The following DAB1 variants were observed in gnomAD, a reference collection of about 807,000 sequenced individuals.
DAB1 encodes the protein DAB adaptor protein 1, also known as disabled homolog 1.
DAB1 carries 15 observed loss-of-function variants against 64.6 expected under a neutral mutation model. That is an observed-to-expected ratio of 0.23 (90% confidence interval 0.16 to 0.36). The LOEUF (loss-of-function observed/expected upper bound fraction) is 0.36. Among genes scored for constraint, DAB1 ranks in the 10% least tolerant of loss-of-function variants. The pLI, the probability that DAB1 is intolerant of heterozygous loss-of-function variation, is 1.00. For synonymous variants in DAB1, 235 were observed against 251.9 expected (o/e 0.93, Z 0.64); for missense variants, 596 against 706.7 (o/e 0.84, Z 1.78).
intron 1 of DAB1, among the ~76,000 whole-genome samples, chr1:57,380,726 G>A (rs939436617): frequency 1.6e-4 from 24 of 152,198 alleles, no homozygotes; most frequent in East Asian, 5.8e-4. Context: ...TAACTAAGAC[G>A]TGGGTTTGTC....
chr1:57,673,235 A>G (rs919245158), intron 6 of DAB1, among the ~76,000 whole-genome samples: 4 of 152,118 alleles, frequency 2.6e-5, no homozygotes, highest in Non-Finnish European at 4.4e-5. Flanking sequence ...TAAAGGTACT[A>G]ATCATAATCA....
chr1:57,872,660 G>A (rs541859667), intron 1 of DAB1, among the ~76,000 whole-genome samples: 1 of 152,224 alleles, frequency 6.6e-6, no homozygotes, highest in South Asian at 2.1e-4. Context: ...CGGACAGCTG[G>A]CCTTGGGTTT....
At chr1:58,260,148 C>G (rs2100416361) in intron 4 of DAB1, among the ~76,000 whole-genome samples, 1 of 152,254 alleles carries the variant, frequency 6.6e-6, no homozygotes, top group African/African-American at 2.4e-5. Flanking sequence ...ACCCAGAAAA[C>G]TATGAGATTA....
At chr1:57,150,396 G>A (rs1659544778) in intron 2 of DAB1, among the ~76,000 whole-genome samples, 1 of 152,208 alleles carries the variant, frequency 6.6e-6, no homozygotes, top group African/African-American at 2.4e-5. Flanking sequence ...TTAAGAGACT[G>A]TGTGGTTACC....
At chr1:58,027,332 G>T (rs913311173) in intron 5 of DAB1, among the ~76,000 whole-genome samples, 10 of 152,272 alleles carry the variant, frequency 6.6e-5, no homozygotes, top group African/African-American at 2.2e-4. Context: ...CTCCCAAAGT[G>T]CTGGGATTAC....
At chr1:57,585,635 C>A (rs1462038461) in intron 7 of DAB1, among the ~76,000 whole-genome samples, 1 of 152,100 alleles carries the variant, frequency 6.6e-6, no homozygotes, top group Admixed American at 6.6e-5. Context: ...TCTTTCTACC[C>A]CCTTAGGCAT....
chr1:58,023,934 A>G (rs1646850407), intron 5 of DAB1, among the ~76,000 whole-genome samples: 1 of 152,168 alleles, frequency 6.6e-6, no homozygotes, highest in South Asian at 2.1e-4. Context: ...AAGCCCTATC[A>G]TGTAATGTAG....
chr1:58,126,617 C>G (rs1232911045), intron 5 of DAB1, among the ~76,000 whole-genome samples: 1 of 148,390 alleles, frequency 6.7e-6, no homozygotes, highest in African/African-American at 2.5e-5. Flanking sequence ...CTACCCCCCA[C>G]CCCACAACAG....
intron 7 of DAB1, among the ~76,000 whole-genome samples, chr1:57,552,952 G>T (rs1382718624): frequency 6.6e-6 from 1 of 152,094 alleles, no homozygotes; most frequent in East Asian, 1.9e-4. Flanking sequence ...ATATTAAGGG[G>T]CCGATTGTAT....
At chr1:57,518,102 C>T (rs796232738) in intron 7 of DAB1, among the ~76,000 whole-genome samples, 4 of 152,202 alleles carry the variant, frequency 2.6e-5, no homozygotes, top group African/African-American at 9.7e-5. Context: ...CCAAACAGAA[C>T]TAGATTGCTT....
intron 3 of DAB1, among the ~76,000 whole-genome samples, chr1:58,427,630 G>T (rs899070185): frequency 6.6e-6 from 1 of 152,172 alleles, no homozygotes; most frequent in African/African-American, 2.4e-5. Flanking sequence ...GCCAAGGATA[G>T]TTCCAAGATT....
intron 4 of DAB1, among the ~76,000 whole-genome samples, chr1:57,116,418 C>T (rs964609641): frequency 9.5e-5 from 12 of 125,660 alleles, no homozygotes; most frequent in African/African-American, 2.2e-4. Flanking sequence ...GCTGAGATCA[C>T]GCCATTGCAC....
At chr1:57,271,092 C>T (rs1670960265) in intron 2 of DAB1, among the ~76,000 whole-genome samples, 1 of 152,156 alleles carries the variant, frequency 6.6e-6, no homozygotes, top group Non-Finnish European at 1.5e-5. Flanking sequence ...AACCTGACAC[C>T]ATCCAGTTGG....
intron 9 of DAB1, chr1:57,033,288 G>T: frequency 1.6e-6 from 2 of 1,284,402 alleles, no homozygotes; most frequent in Non-Finnish European, 2.3e-6. Context: ...GCAGAGCAGG[G>T]CAGGAAATCT....
At chr1:58,523,613 G>A (rs548399182) in intron 2 of DAB1, among the ~76,000 whole-genome samples, 1 of 152,118 alleles carries the variant, frequency 6.6e-6, no homozygotes, top group South Asian at 2.1e-4. Context: ...AGAACTGGCA[G>A]TCCTGGCCGG....
intron 3 of DAB1, among the ~76,000 whole-genome samples, chr1:58,441,672 T>C (rs1002623387): frequency 6.6e-6 from 1 of 152,236 alleles, no homozygotes; most frequent in African/African-American, 2.4e-5. Context: ...TTCTCTCATA[T>C]GGTTTTCCTA....
intron 5 of DAB1, among the ~76,000 whole-genome samples, chr1:58,073,695 G>C (rs924224352): frequency 1.7e-4 from 26 of 152,158 alleles, no homozygotes; most frequent in African/African-American, 6.3e-4. Context: ...GGGAAATTCA[G>C]GTAGAATTTG....
Position 57,452,093 on chromosome 1 carries a change from T to C in DAB1, n.626-160927A>G, listed in dbSNP as rs577827306. The stretch of plus-strand genomic sequence containing the variant: ...CCAGCTGTCCATAGGCCCCATGAGA[T>C]GGTACTTACCTTGAATAAATCATCC... On this transcript the variant is annotated intron_variant and non_coding_transcript_variant, in intron 7 of 20. Coordinates refer to the DAB1 transcript ENST00000485760. 3.3e-5 allele frequency among the ~76,000 whole-genome samples: 5 copies of C among 150,930 alleles called. No homozygotes were observed. The East Asian group carries it at 9.8e-4, about 30-fold the overall frequency.
intron 1 of DAB1, among the ~76,000 whole-genome samples, chr1:57,836,904 T>G (rs1475799423): frequency 6.6e-6 from 1 of 152,188 alleles, no homozygotes; most frequent in African/African-American, 2.4e-5. Flanking sequence ...CCCCTAGACA[T>G]GCTTTGCTCT....
Sources: allele counts gnomAD v4.1 joint callset (sites outside exome capture counted in the v4.1 genomes callset), GRCh38; gene constraint gnomAD v4.1.1; transcripts MANE v1.5; gene names NCBI Gene and HGNC (gene_info 2026-07-23, HGNC 2026-07-21).